ROBO1: variants seen among roughly 807,000 people sequenced by gnomAD.
ROBO1 encodes the protein roundabout guidance receptor 1.
Under a neutral mutation model 195.9 loss-of-function variants are expected in ROBO1, and 149 were observed. The ratio of observed to expected loss-of-function variants is 0.76; its 90% CI spans 0.67 to 0.87. ROBO1 has a LOEUF of 0.87. Ranked by LOEUF, ROBO1 falls within the 40% of genes least tolerant of loss-of-function variation. The pLI, the probability that ROBO1 is intolerant of heterozygous loss-of-function variation, is 0.00. For missense variants in ROBO1, 1,933 were observed against 2,068.3 expected (o/e 0.93, Z 1.27); for synonymous variants, 816 against 733.2 (o/e 1.11, Z -1.82).
At chr3:79,183,841 C>A (rs1174357014) in intron 2 of ROBO1, among the ~76,000 whole-genome samples, 1 of 152,142 alleles carries the variant, frequency 6.6e-6, no homozygotes. Flanking sequence ...AGTGAATTAT[C>A]TGAATTTTTA....
At chr3:79,297,661 CG>C (rs2032666563) in intron 2 of ROBO1, among the ~76,000 whole-genome samples, 1 of 151,942 alleles carries the variant, frequency 6.6e-6, no homozygotes, top group African/African-American at 2.4e-5. Context: ...ATGGATGCTT[CG>C]TGTAAACAAA....
intron 2 of ROBO1, among the ~76,000 whole-genome samples, chr3:79,250,861 A>T (rs2082715550): frequency 6.6e-6 from 1 of 152,030 alleles, no homozygotes; most frequent in South Asian, 2.1e-4. Context: ...TTGAGTCCAG[A>T]CTCATTAACA....
intron 1 of ROBO1, among the ~76,000 whole-genome samples, chr3:79,635,250 A>G (rs917036759): frequency 2.0e-5 from 3 of 152,192 alleles, no homozygotes; most frequent in African/African-American, 7.2e-5. Flanking sequence ...CATGATGCTT[A>G]CACAATCAGT....
chr3:78,935,278 G>C lies in ROBO1; in HGVS notation c.499+3323C>G, dbSNP rs150360021. 8.9e-3 allele frequency among the ~76,000 whole-genome samples: 1,358 copies of C among 152,128 alleles called. 21 individuals are homozygous for C. The highest frequency in any genetic ancestry group is 0.031 in the African/African-American group (1,302 of 41,556). ...AAGATAGCCAGCAGATGTCTGCCTA[G>C]TCTGGAGGGAATTTTTCTTCCTCAG... On this transcript the variant is annotated intron_variant, in intron 4 of 30. Transcript: ENST00000464233.
rs147362311 is a variant in ROBO1, at chr3:79,334,800, A to G, written c.89-209261T>C. 3.1e-3 allele frequency among the ~76,000 whole-genome samples: 469 copies of G among 151,954 alleles called. 1 individual carries two copies. The highest frequency in any genetic ancestry group is 0.01 in the Middle Eastern group (3 of 294). On this transcript the variant is annotated intron_variant, in intron 2 of 30. Transcript: ENST00000464233. ...CACTGAAATTTCTGGATCTGCTTTT[A>G]TAAGTTAAAGGAAATATATTTTAGG...
intron 2 of ROBO1, among the ~76,000 whole-genome samples, chr3:79,554,655 T>C (rs1559988350): frequency 6.6e-6 from 1 of 152,000 alleles, no homozygotes. Flanking sequence ...AAAACTGGAA[T>C]GACAAAGTAG....
intron 2 of ROBO1, among the ~76,000 whole-genome samples, chr3:79,406,909 T>C (rs2037571628): frequency 6.6e-6 from 1 of 152,080 alleles, no homozygotes; most frequent in Non-Finnish European, 1.5e-5. Context: ...AACACATTTC[T>C]TTTTCTTTTT....
chr3:78,968,131 G>A (rs2076686451), intron 3 of ROBO1, among the ~76,000 whole-genome samples: 1 of 152,020 alleles, frequency 6.6e-6, no homozygotes, highest in Admixed American at 6.6e-5. Flanking sequence ...CATTGGAGAG[G>A]GCATGGAATT....
chr3:78,609,329 A>G (rs868427238), intron 28 of ROBO1, among the ~76,000 whole-genome samples: 3 of 152,158 alleles, frequency 2.0e-5, no homozygotes, highest in African/African-American at 7.2e-5. Flanking sequence ...ATGGTTTTCT[A>G]TAGATCATTC....
Position 79,069,264 on chromosome 3 carries a change from G to A in ROBO1, c.172+56192C>T, listed in dbSNP as rs143080926. ...ATCTTGAACTCATCACTTTATGTAT[G>A]TATGCAGCTATATATCTATGTATTT... is the stretch of plus-strand genomic sequence containing the variant. On this transcript the variant is annotated intron_variant, in intron 3 of 30. Transcript: ENST00000464233. 2.7e-3 allele frequency among the ~76,000 whole-genome samples: 405 copies of A among 151,904 alleles called. 2 individuals are homozygous for A. Among genetic ancestry groups the A allele is most frequent in the Middle Eastern group, 0.01 (3 of 294 alleles).
chr3:79,427,331 T>TA (rs2038487784), intron 2 of ROBO1, among the ~76,000 whole-genome samples: 1 of 152,202 alleles, frequency 6.6e-6, no homozygotes, highest in Non-Finnish European at 1.5e-5. Context: ...ACACCCTCGC[T>TA]AAAAATGTAC....
chr3:79,671,369 T>C (rs1553786262), intron 1 of ROBO1, among the ~76,000 whole-genome samples: 2 of 151,832 alleles, frequency 1.3e-5, no homozygotes, highest in African/African-American at 4.8e-5. Context: ...AGAAAACAAA[T>C]AGGTACCCTA....
intron 2 of ROBO1, among the ~76,000 whole-genome samples, chr3:79,549,275 T>A (rs1209371661): frequency 6.6e-6 from 1 of 152,208 alleles, no homozygotes; most frequent in East Asian, 1.9e-4. Context: ...TCAAGGAGCT[T>A]ATGATATATA....
intron 2 of ROBO1, among the ~76,000 whole-genome samples, chr3:79,284,571 T>C (rs1395939703): frequency 6.6e-6 from 1 of 152,194 alleles, no homozygotes; most frequent in Non-Finnish European, 1.5e-5. Context: ...TAGTATACAA[T>C]ATAAACTTAT....
At chr3:79,643,723 T>A (rs1945734858) in intron 1 of ROBO1, among the ~76,000 whole-genome samples, 1 of 152,040 alleles carries the variant, frequency 6.6e-6, no homozygotes, top group Admixed American at 6.6e-5. Context: ...CAAAAACCTA[T>A]AATAGATTGA....
intron 3 of ROBO1, among the ~76,000 whole-genome samples, chr3:79,065,447 A>C (rs2108418337): frequency 6.6e-6 from 1 of 152,080 alleles, no homozygotes; most frequent in Non-Finnish European, 1.5e-5. Context: ...CCCATGAAAT[A>C]TAATTTCCCA....
intron 2 of ROBO1, among the ~76,000 whole-genome samples, chr3:79,255,100 C>T (rs566279222): frequency 4.6e-5 from 7 of 152,156 alleles, no homozygotes; most frequent in Non-Finnish European, 1.0e-4. Flanking sequence ...ACTAAGGAAA[C>T]CAGCCTACTC....
intron 1 of ROBO1, among the ~76,000 whole-genome samples, chr3:79,607,432 T>G (rs1224402059): frequency 6.6e-6 from 1 of 151,696 alleles, no homozygotes; most frequent in East Asian, 1.9e-4. Flanking sequence ...GTTTAAAAAC[T>G]CAGAGAAAGA....
chr3:79,742,358 G>T (rs760781347), intron 1 of ROBO1, among the ~76,000 whole-genome samples: 2 of 152,188 alleles, frequency 1.3e-5, no homozygotes, highest in Admixed American at 6.5e-5. Flanking sequence ...TAGCGTCCTG[G>T]ATCCCAGCTG....
Sources: gnomAD v4.1 joint callset for allele counts (sites outside exome capture counted in the v4.1 genomes callset) on GRCh38, gnomAD v4.1.1 for gene constraint, MANE v1.5 for transcripts, NCBI Gene and HGNC (gene_info 2026-07-23, HGNC 2026-07-21) for gene names.